VPS13B: variants seen among roughly 807,000 people sequenced by gnomAD.
VPS13B encodes the protein vacuolar protein sorting 13 homolog B, also known as intermembrane lipid transfer protein VPS13B.
In VPS13B, 285 loss-of-function variants were observed where a neutral mutation model predicts 426.4. The observed-to-expected ratio is 0.67, with a 90% CI of 0.61 to 0.74. The LOEUF is 0.74. Among genes scored for constraint, VPS13B ranks in the 30% least tolerant of loss-of-function variants. The pLI, the probability that VPS13B is intolerant of heterozygous loss-of-function variation, is 0.00. For missense variants in VPS13B, 4,537 were observed against 4,782.6 expected (o/e 0.95, Z 1.51); for synonymous variants, 1,676 against 1,676.4 (o/e 1.00, Z 0.01).
At position 99,433,482 on chromosome 8, in the gene VPS13B, G is replaced by A. The variant is rs796553507; in HGVS notation, c.3210+1818G>A. ...TAGAATAACACTTTTATGTGCTGAG[G>A]AAAATCAGCACATAACATAGAATTA... On this transcript the variant is annotated intron_variant, in intron 22 of 61. Coordinates refer to ENST00000357162, the MANE Select transcript of VPS13B (RefSeq NM_152564.5). Among the ~76,000 whole-genome samples, 76 of 152,218 alleles carry A rather than the reference G, an allele frequency of 5.0e-4. 1 individual carries two copies. The highest frequency in any genetic ancestry group is 3.4e-3 in the Middle Eastern group (1 of 294).
chr8:99,677,807 G>A (rs1205908069), intron 35 of VPS13B, among the ~76,000 whole-genome samples: 1 of 152,144 alleles, frequency 6.6e-6, no homozygotes, highest in Non-Finnish European at 1.5e-5. Context: ...AAGAGTGAGA[G>A]TAATTGGGAA....
intron 43 of VPS13B, among the ~76,000 whole-genome samples, chr8:99,809,174 A>T (rs1036654972): frequency 6.6e-6 from 1 of 152,208 alleles, no homozygotes; most frequent in African/African-American, 2.4e-5. Context: ...TGATCTGAAA[A>T]ACCACATTGA....
intron 5 of VPS13B, among the ~76,000 whole-genome samples, chr8:99,108,469 G>T (rs1847171800): frequency 1.3e-5 from 2 of 152,094 alleles, no homozygotes; most frequent in South Asian, 4.1e-4. Context: ...TGAGAGATAA[G>T]GGTCTAGGTT....
intron 30 of VPS13B, among the ~76,000 whole-genome samples, chr8:99,554,942 T>C (rs1429328169): frequency 1.3e-5 from 2 of 152,106 alleles, no homozygotes; most frequent in African/African-American, 4.8e-5. Context: ...ACCTTTCCTG[T>C]AATTTTTCTA....
intron 25 of VPS13B, among the ~76,000 whole-genome samples, chr8:99,495,754 G>T (rs1820848274): frequency 6.6e-6 from 1 of 152,122 alleles, no homozygotes; most frequent in Admixed American, 6.5e-5. Flanking sequence ...GGGTAACTTT[G>T]TTGCCCTACT....
At chr8:99,333,910 G>C (rs907171698) in intron 19 of VPS13B, among the ~76,000 whole-genome samples, 30 of 151,822 alleles carry the variant, frequency 2.0e-4, no homozygotes, top group African/African-American at 7.2e-4. Flanking sequence ...TTATTGTTTT[G>C]AATTGCTAAA....
rs563221851 is a variant in VPS13B, at chr8:99,603,182, G to C, written c.5220+25549G>C. ...TGTATGTCCCTAAAAAAGGCAGAGA[G>C]GTTAACATTAGGATGCAGGATATTT... On this transcript the variant is annotated intron_variant, in intron 33 of 61. Coordinates refer to ENST00000357162, the MANE Select transcript of VPS13B (RefSeq NM_152564.5). Among the ~76,000 whole-genome samples the C allele has an allele frequency of 8.5e-5, 13 of 152,264 alleles. No homozygotes were observed. In the South Asian group the frequency reaches 2.5e-3, roughly 29 times the overall value.
chr8:99,139,547 C>T (rs1382540362), intron 12 of VPS13B, among the ~76,000 whole-genome samples: 2 of 151,320 alleles, frequency 1.3e-5, no homozygotes, highest in South Asian at 2.1e-4. Context: ...ATGCCATTCT[C>T]CTGCCTCAGC....
intron 17 of VPS13B, among the ~76,000 whole-genome samples, chr8:99,205,522 C>T (rs1485206060): frequency 6.6e-6 from 1 of 151,906 alleles, no homozygotes; most frequent in African/African-American, 2.4e-5. Flanking sequence ...AAACACGAAA[C>T]TTATACTTTC....
chr8:99,600,415 G>C (rs901110988), intron 33 of VPS13B, among the ~76,000 whole-genome samples: 1 of 152,060 alleles, frequency 6.6e-6, no homozygotes, highest in Non-Finnish European at 1.5e-5. Flanking sequence ...TATGGATGTG[G>C]GTGTTCTTAG....
chr8:99,457,328 A>C (rs1426832910), intron 23 of VPS13B, among the ~76,000 whole-genome samples: 1 of 152,182 alleles, frequency 6.6e-6, no homozygotes, highest in African/African-American at 2.4e-5. Context: ...CACTGCGCCC[A>C]GCCAGTAATT....
At chr8:99,201,096 T>C (rs2132757045) in intron 17 of VPS13B, among the ~76,000 whole-genome samples, 1 of 152,234 alleles carries the variant, frequency 6.6e-6, no homozygotes, top group East Asian at 1.9e-4. Flanking sequence ...TTTTAGACTA[T>C]TTTTCTTTCC....
chr8:99,145,689 C>A (rs1049155264), intron 13 of VPS13B, among the ~76,000 whole-genome samples: 2 of 107,554 alleles, frequency 1.9e-5, no homozygotes, highest in African/African-American at 6.1e-5. Context: ...CCATTGTATA[C>A]ATATACTATA....
intron 17 of VPS13B, among the ~76,000 whole-genome samples, chr8:99,261,992 T>TA (rs35866492): frequency 2.6e-5 from 4 of 152,020 alleles, no homozygotes; most frequent in Admixed American, 6.6e-5. Context: ...CATTGCTGTT[T>TA]AAAAAAAAGA....
chr8:99,159,878 C>T (rs1239854502), intron 15 of VPS13B, among the ~76,000 whole-genome samples: 2 of 151,996 alleles, frequency 1.3e-5, no homozygotes, highest in Non-Finnish European at 2.9e-5. Flanking sequence ...AGGCTGGTCT[C>T]GAATTCCTGA....
chr8:99,364,437 T>C (rs556897851), intron 19 of VPS13B, among the ~76,000 whole-genome samples: 100 of 152,264 alleles, frequency 6.6e-4, no homozygotes, highest in African/African-American at 2.3e-3. Flanking sequence ...TTTCTTTTTT[T>C]TGTTTTTGTT....
intron 21 of VPS13B, chr8:99,429,543 T>G (rs1012810116): frequency 6.6e-6 from 1 of 152,180 alleles, no homozygotes; most frequent in African/African-American, 2.4e-5. Flanking sequence ...TAAGTTTCCT[T>G]TCTTCTCAAA....
intron 14 of VPS13B, among the ~76,000 whole-genome samples, chr8:99,150,355 A>T (rs1205385635): frequency 6.6e-6 from 1 of 152,206 alleles, no homozygotes; most frequent in Non-Finnish European, 1.5e-5. Context: ...ACAGAGTAGT[A>T]TGTTTGTTAC....
At chr8:99,385,395 G>A (rs1319363708) in intron 20 of VPS13B, among the ~76,000 whole-genome samples, 1 of 152,136 alleles carries the variant, frequency 6.6e-6, no homozygotes, top group Non-Finnish European at 1.5e-5. Context: ...TAGTTGATGG[G>A]AGAAGAATAC....
Sources: allele counts gnomAD v4.1 joint callset (sites outside exome capture counted in the v4.1 genomes callset), GRCh38; gene constraint gnomAD v4.1.1; transcripts MANE v1.5; gene names NCBI Gene and HGNC (gene_info 2026-07-23, HGNC 2026-07-21).